The following UTRN variants were observed in gnomAD, a reference collection of about 807,000 sequenced individuals.
The protein encoded by UTRN is utrophin.
A neutral mutation model predicts 463.9 loss-of-function variants in UTRN; 283 were observed. The ratio of observed to expected loss-of-function variants is 0.61; its 90% CI spans 0.55 to 0.67. The LOEUF is 0.67. Among genes scored for constraint, UTRN ranks in the 30% least tolerant of loss-of-function variants. The pLI is 0.00. For synonymous variants in UTRN, 1,442 were observed against 1,431.5 expected, an observed-to-expected ratio of 1.01 and a Z score of -0.17; for missense variants, 3,922 against 4,084.3, an observed-to-expected ratio of 0.96 and a Z score of 1.08.
chr6:144,503,328 C>G (rs866053481), intron 34 of UTRN, among the ~76,000 whole-genome samples: 5 of 152,128 alleles, frequency 3.3e-5, no homozygotes, highest in Non-Finnish European at 5.9e-5. Context: ...TTTGCCCATG[C>G]CAGTGTCCTG....
In UTRN at chr6:144,647,965, G is replaced by A. The variant is rs1273525857; in HGVS notation, c.7480-30441G>A. ...CTATTGTTTAAATGACTTATAATAA[G>A]CACTTACTGTGTGATGGTAAACACT... On this transcript the variant is annotated intron_variant, in intron 51 of 74. Coordinates refer to ENST00000367545, the MANE Select transcript of UTRN (RefSeq NM_007124.3). Among the ~76,000 whole-genome samples the A allele has an allele frequency of 2.6e-5, 4 of 152,276 alleles. No individual in the cohort carries two copies. In the Middle Eastern group the frequency reaches 0.01, roughly 388 times the overall value.
rs762884679 is a variant in UTRN at position 144,491,087 on chromosome 6, C to A, written c.4422C>A (p.His1474Gln). ...TAGACCCTGACGTCATACAGACGCA[C>A]CTGGACAAGTGTATGGTGAGGCTTT... ...KDVDPDVIQT[H>Q]LDKCMKLYKT... Residue 1474 changes from histidine to glutamine, a missense_variant, in exon 32 of 75, where the codon CAC becomes CAA. Around this residue, in one of 3 missense-constraint regions of UTRN, gnomAD observed 2,349 missense variants for 2,303.8 expected, o/e 1.02. Coordinates refer to ENST00000367545, the MANE Select transcript of UTRN (RefSeq NM_007124.3). The A allele has an allele frequency of 1.2e-6, 2 of 1,607,362 alleles. No homozygotes were observed. The highest frequency in any genetic ancestry group is 2.2e-5 in the East Asian group (1 of 44,866).
intron 2 of UTRN, among the ~76,000 whole-genome samples, chr6:144,399,693 T>C (rs9484873): frequency 0.062 from 9,465 of 152,216 alleles, 1,003 homozygotes; most frequent in African/African-American, 0.22. Context: ...ATTTGTGTGC[T>C]TTCATAGGGG....
At chr6:144,534,876 G>A (rs1187466939) in intron 43 of UTRN, among the ~76,000 whole-genome samples, 1 of 152,146 alleles carries the variant, frequency 6.6e-6, no homozygotes, top group Non-Finnish European at 1.5e-5. Context: ...ATTTCTTCTA[G>A]GGAGGGCCTT....
At chr6:144,796,504 T>C (rs1383323416) in intron 63 of UTRN, among the ~76,000 whole-genome samples, 1 of 152,188 alleles carries the variant, frequency 6.6e-6, no homozygotes, top group African/African-American at 2.4e-5. Flanking sequence ...TTTTAAAATA[T>C]ATATACATTA....
intron 52 of UTRN, among the ~76,000 whole-genome samples, chr6:144,688,457 C>T (rs1782977259): frequency 6.6e-6 from 1 of 152,008 alleles, no homozygotes; most frequent in African/African-American, 2.4e-5. Flanking sequence ...GGTCATATTG[C>T]CAGAATTATT....
intron 43 of UTRN, among the ~76,000 whole-genome samples, chr6:144,534,035 G>A (rs1420090151): frequency 5.3e-5 from 8 of 151,928 alleles, no homozygotes; most frequent in Admixed American, 4.6e-4. Flanking sequence ...TGTTGATGAA[G>A]TATTATTTTA....
At chr6:144,694,357 G>A (rs1277453700) in intron 52 of UTRN, among the ~76,000 whole-genome samples, 3 of 151,720 alleles carry the variant, frequency 2.0e-5, no homozygotes, top group African/African-American at 7.2e-5. Flanking sequence ...TTTTGGTGGT[G>A]GTTGTGTTTC....
Position 144,481,842 on chromosome 6 carries a change from C to T in UTRN, c.3508-367C>T, listed in dbSNP as rs531175276. Among the ~76,000 whole-genome samples, 143 of 152,282 alleles carry T rather than the reference C, an allele frequency of 9.4e-4. 1 individual carries two copies. The highest frequency in any genetic ancestry group is 3.5e-3 in the South Asian group (17 of 4,824). On this transcript the variant is annotated intron_variant, in intron 26 of 74. Transcript: ENST00000367545. ...GGAGGCCAAGGTGGGTGGATCACCTCAGGTCAGGAGTTTGAGACCAGCCCC... is the reference window on the plus strand; with the variant it reads ...GGAGGCCAAGGTGGGTGGATCACCTTAGGTCAGGAGTTTGAGACCAGCCCC...
rs564556678 is a variant in UTRN, at chr6:144,474,045, G to C, written c.3180+212G>C. Among the ~76,000 whole-genome samples the C allele has an allele frequency of 2.6e-5, 4 of 151,988 alleles. No homozygotes were observed. In the East Asian group the frequency reaches 7.8e-4, roughly 30 times the overall value. On this transcript the variant is annotated intron_variant, in intron 24 of 74. Coordinates refer to ENST00000367545, the MANE Select transcript of UTRN (RefSeq NM_007124.3). ...TCTGGACGTGGTTATAGAATTTTGA[G>C]AGGTTATAGAATAGAGAACAAGAAC...
rs376731988 is a variant in UTRN at position 144,781,917 on chromosome 6, G to A, written c.8633-5G>A. The A allele has an allele frequency of 2.5e-5, 40 of 1,611,822 alleles. No homozygotes were observed. The highest frequency in any genetic ancestry group is 3.3e-5 in the South Asian group (3 of 90,870). ...TGTAAACATTCCTTCTTCTCTCCTG[G>A]TTAGTGGATCTCTTAGAGTTGAGTA... is the stretch of plus-strand genomic sequence containing the variant. On this transcript the variant is annotated splice_polypyrimidine_tract_variant and splice_region_variant and intron_variant, in intron 60 of 74. Coordinates refer to ENST00000367545, the MANE Select transcript of UTRN (RefSeq NM_007124.3).
At chr6:144,402,342 G>T (rs915523813) in intron 2 of UTRN, among the ~76,000 whole-genome samples, 1 of 152,090 alleles carries the variant, frequency 6.6e-6, no homozygotes, top group Non-Finnish European at 1.5e-5. Context: ...AAATGGATTG[G>T]GACACCGTCT....
intron 53 of UTRN, among the ~76,000 whole-genome samples, chr6:144,700,551 GT>G (rs562619008): frequency 6.6e-6 from 1 of 151,324 alleles, no homozygotes; most frequent in Non-Finnish European, 1.5e-5. Flanking sequence ...GAGGTTTTGG[GT>G]TTTTTTTGTT....
chr6:144,666,869 G>A (rs751492180), intron 51 of UTRN, among the ~76,000 whole-genome samples: 6 of 152,148 alleles, frequency 3.9e-5, no homozygotes, highest in Non-Finnish European at 7.3e-5. Context: ...ATTCGTCGTG[G>A]TAGCTGGGTT....
chr6:144,513,515 A>G (rs1554275359), intron 35 of UTRN, among the ~76,000 whole-genome samples: 1 of 152,096 alleles, frequency 6.6e-6, no homozygotes, highest in Non-Finnish European at 1.5e-5. Context: ...GTGCCACTCT[A>G]CTCCAGGCTG....
At chr6:144,661,622 C>T (rs1230530387) in intron 51 of UTRN, among the ~76,000 whole-genome samples, 7 of 152,112 alleles carry the variant, frequency 4.6e-5, no homozygotes. Context: ...AACTTTATGA[C>T]CATAAAGAGG....
intron 66 of UTRN, among the ~76,000 whole-genome samples, chr6:144,824,556 T>G (rs11155380): frequency 8.5e-6 from 1 of 117,342 alleles, no homozygotes; most frequent in Non-Finnish European, 1.8e-5. Flanking sequence ...GTATATATAT[T>G]AATATAGCAT....
chr6:144,666,889 A>G lies in UTRN; in HGVS notation c.7480-11517A>G, dbSNP rs140806194. ...TCGTGGTAGCTGGGTTGGAAAACAC[A>G]TCGCCTGATCTGATGTGAGAAGGCG... On this transcript the variant is annotated intron_variant, in intron 51 of 74. Transcript: ENST00000367545. Among the ~76,000 whole-genome samples the G allele has an allele frequency of 8.1e-4, 124 of 152,306 alleles. 2 individuals carry two copies. In the East Asian group the frequency reaches 0.021, roughly 26 times the overall value.
chr6:144,469,849 G>A (rs1009760524), intron 23 of UTRN, among the ~76,000 whole-genome samples: 2 of 151,820 alleles, frequency 1.3e-5, no homozygotes, highest in Admixed American at 6.6e-5. Context: ...GGGCCCTGCC[G>A]CCTTCCGCAG....
Sources: gnomAD v4.1 joint callset for allele counts (sites outside exome capture counted in the v4.1 genomes callset) on GRCh38, gnomAD v4.1.1 for gene constraint, gnomAD v4.1.1 regional missense constraint, MANE v1.5 for transcripts, NCBI Gene and HGNC (gene_info 2026-07-23, HGNC 2026-07-21) for gene names.